Variants in WDR27 observed in about 807,000 individuals in gnomAD.
WDR27 encodes WD repeat domain 27.
A neutral mutation model predicts 114.4 loss-of-function variants in WDR27; 100 were observed. The ratio of observed to expected loss-of-function variants is 0.87; its 90% confidence interval spans 0.74 to 1.03. The LOEUF (loss-of-function observed/expected upper bound fraction) is 1.03, where lower values mean the gene tolerates loss of function less well. Ranked by LOEUF, WDR27 falls within the 50% of genes least tolerant of loss-of-function variation. The pLI, the probability that WDR27 is intolerant of heterozygous loss-of-function variation, is 0.00. For missense variants in WDR27, 1,129 were observed against 1,092.9 expected (o/e 1.03, Z -0.47); for synonymous variants, 449 against 423.1 (o/e 1.06, Z -0.75).
chr6:169,670,918 A>G (rs570891492), intron 3 of WDR27: 14 of 515,336 alleles, frequency 2.7e-5, no homozygotes, highest in Non-Finnish European at 4.3e-5. Flanking sequence ...CTCTCTCAGC[A>G]TCGAAACACG....
At chr6:169,604,046 G>A (rs1306388563) in intron 22 of WDR27, among the ~76,000 whole-genome samples, 1 of 151,952 alleles carries the variant, frequency 6.6e-6, no homozygotes, top group African/African-American at 2.4e-5. Context: ...TGCACCTCAA[G>A]GAACAAGAAA....
At chr6:169,436,051 G>A in the WDR27 span, among the ~76,000 whole-genome samples, 1 of 152,004 alleles carries the variant, frequency 6.6e-6, no homozygotes, top group African/African-American at 2.4e-5. Flanking sequence ...TATTTTTTAT[G>A]CTTTTTAAAT....
rs1181820514 is a variant in WDR27 at position 169,638,802 on chromosome 6, C to T, written c.1748-142G>A. ...AGGGGCGCGCCAGGAGGCTTCTCCT[C>T]GCCACAGTGAGGCTGCAGAGCCTGA... is the stretch of plus-strand genomic sequence containing the variant. On this transcript the variant is annotated intron_variant, in intron 17 of 25. Transcript: ENST00000448612. The T allele has an allele frequency of 2.4e-5, 24 of 1,002,594 alleles. No homozygotes were observed. In the East Asian group the frequency reaches 5.2e-4, roughly 22 times the overall value. 62.1% of individuals were successfully genotyped at this position (1,002,594 alleles called of 1,614,324 possible).
At chr6:169,481,107 G>A (rs917078099) in intron 25 of WDR27, among the ~76,000 whole-genome samples, 2 of 150,830 alleles carry the variant, frequency 1.3e-5, no homozygotes, top group African/African-American at 4.9e-5. Flanking sequence ...CTAGAGGATT[G>A]TAAATGTACC....
chr6:169,430,555 G>A, the WDR27 span, among the ~76,000 whole-genome samples: 1 of 152,190 alleles, frequency 6.6e-6, no homozygotes, highest in African/African-American at 2.4e-5. Flanking sequence ...CCTGAATGAG[G>A]ACGAGGGAAG....
At chr6:169,545,049 C>A (rs1351600732) in intron 25 of WDR27, among the ~76,000 whole-genome samples, 4 of 152,150 alleles carry the variant, frequency 2.6e-5, no homozygotes, top group Non-Finnish European at 5.9e-5. Flanking sequence ...TAGACACAGA[C>A]AAGCTTATTC....
At chr6:169,585,435 A>G (rs1256507836) in intron 23 of WDR27, among the ~76,000 whole-genome samples, 5 of 152,210 alleles carry the variant, frequency 3.3e-5, no homozygotes, top group Non-Finnish European at 5.9e-5. Flanking sequence ...AAAGTCTACA[A>G]ATAAATGTCT....
At chr6:169,442,466 C>T in the WDR27 span, among the ~76,000 whole-genome samples, 1 of 152,172 alleles carries the variant, frequency 6.6e-6, no homozygotes, top group African/African-American at 2.4e-5. Flanking sequence ...TTTTCTTTTA[C>T]AGGTGAAAGG....
intron 2 of WDR27, among the ~76,000 whole-genome samples, chr6:169,677,398 T>G (rs1780339991): frequency 6.6e-6 from 1 of 152,224 alleles, no homozygotes; most frequent in Non-Finnish European, 1.5e-5. Flanking sequence ...GGAAGAAATT[T>G]CTAATCAGCA....
At chr6:169,547,009 A>G (rs1797539138) in intron 25 of WDR27, among the ~76,000 whole-genome samples, 1 of 152,212 alleles carries the variant, frequency 6.6e-6, no homozygotes, top group Admixed American at 6.5e-5. Flanking sequence ...ACAAGTACAG[A>G]TCTTATAATA....
At chr6:169,674,646 A>G (rs1057248558) in intron 2 of WDR27, among the ~76,000 whole-genome samples, 23 of 152,204 alleles carry the variant, frequency 1.5e-4, no homozygotes, top group African/African-American at 5.5e-4. Context: ...GAGGAGGGGA[A>G]TATTTGAAGA....
chr6:169,515,876 CAAAT>C (rs937639377), intron 25 of WDR27, among the ~76,000 whole-genome samples: 4 of 150,990 alleles, frequency 2.6e-5, no homozygotes, highest in African/African-American at 9.7e-5. Context: ...TAAGAAAACA[CAAAT>C]AAGCAGAAAA....
chr6:169,480,165 G>A (rs754568602), intron 25 of WDR27, among the ~76,000 whole-genome samples: 4 of 152,228 alleles, frequency 2.6e-5, no homozygotes, highest in Non-Finnish European at 4.4e-5. Context: ...CAGGCAGTGA[G>A]GGGCTTAGCA....
At chr6:169,436,541 G>A in the WDR27 span, among the ~76,000 whole-genome samples, 1 of 152,042 alleles carries the variant, frequency 6.6e-6, no homozygotes, top group African/African-American at 2.4e-5. Context: ...TTAAAAAAAT[G>A]ATTAGAAGAT....
At chr6:169,552,974 GT>G (rs1562571435) in intron 25 of WDR27, among the ~76,000 whole-genome samples, 4 of 8,972 alleles carry the variant, frequency 4.5e-4, no homozygotes, top group East Asian at 3.0e-3. Context: ...GGCCTGCCCG[GT>G]GTGTGTGTGT....
chr6:169,689,087 A>T, intron 1 of WDR27, 75 bp from the exon 2 acceptor site: 2 of 1,017,986 alleles, frequency 2.0e-6, no homozygotes, highest in East Asian at 2.8e-5. Context: ...TTACCTACTG[A>T]TAGTTACTAG....
At chr6:169,573,203 C>T (rs1377176203) in intron 24 of WDR27, among the ~76,000 whole-genome samples, 4 of 152,058 alleles carry the variant, frequency 2.6e-5, no homozygotes, top group Admixed American at 2.0e-4. Flanking sequence ...ACATTGTGTT[C>T]TAGGGTAACA....
intron 21 of WDR27, among the ~76,000 whole-genome samples, chr6:169,624,620 AATAACTAAAGAAAACTTCATT>A (rs1814329635): frequency 6.6e-6 from 1 of 152,206 alleles, no homozygotes; most frequent in South Asian, 2.1e-4. Context: ...CAAGTTCTCT[AATAACTAAAGAAAACTTCATT>A]AATTTTCATA....
the WDR27 span, among the ~76,000 whole-genome samples, chr6:169,433,735 C>A: frequency 6.6e-6 from 1 of 152,222 alleles, no homozygotes; most frequent in Non-Finnish European, 1.5e-5. Context: ...TGTTTCTCCA[C>A]ATCTTCTCCA....
Sources: gnomAD v4.1 joint callset for allele counts (sites outside exome capture counted in the v4.1 genomes callset) on GRCh38, gnomAD v4.1.1 for gene constraint, MANE v1.5 for transcripts, NCBI Gene and HGNC (gene_info 2026-07-23, HGNC 2026-07-21) for gene names.